GPC6: variants seen among roughly 807,000 people sequenced by gnomAD.
The protein encoded by GPC6 is glypican 6.
Under a neutral mutation model 55.2 loss-of-function variants are expected in GPC6, and 14 were observed. The observed-to-expected ratio is 0.25, with a 90% CI of 0.17 to 0.40. GPC6 has a LOEUF of 0.40. Among genes scored for constraint, GPC6 ranks in the 10% least tolerant of loss-of-function variants. GPC6 has a pLI of 1.00. For synonymous variants in GPC6, 278 were observed against 259.6 expected (o/e 1.07, Z -0.68); for missense variants, 641 against 708.5 (o/e 0.90, Z 1.08).
intron 2 of GPC6, among the ~76,000 whole-genome samples, chr13:93,607,424 C>A (rs765929898): frequency 1.2e-4 from 18 of 152,224 alleles, no homozygotes; most frequent in African/African-American, 2.9e-4. Context: ...TCCTTGCTTG[C>A]ATGCAGCTTA....
At chr13:93,438,676 T>G (rs1413331686) in intron 1 of GPC6, among the ~76,000 whole-genome samples, 1 of 152,336 alleles carries the variant, frequency 6.6e-6, no homozygotes, top group Middle Eastern at 3.4e-3. Context: ...AGATGGAATC[T>G]ACTTCTATTG....
chr13:93,577,306 A>G (rs1272133647), intron 2 of GPC6, among the ~76,000 whole-genome samples: 1 of 152,160 alleles, frequency 6.6e-6, no homozygotes, highest in African/African-American at 2.4e-5. Flanking sequence ...GTTGGAGTGG[A>G]AAAGGGAACA....
At chr13:93,550,108 G>A (rs1042863889) in intron 2 of GPC6, among the ~76,000 whole-genome samples, 3 of 151,988 alleles carry the variant, frequency 2.0e-5, no homozygotes, top group Non-Finnish European at 4.4e-5. Context: ...AAGAGGAATG[G>A]GTGTTTTTTG....
intron 3 of GPC6, among the ~76,000 whole-genome samples, chr13:94,023,848 A>G (rs919182687): frequency 1.3e-5 from 2 of 151,984 alleles, no homozygotes; most frequent in Non-Finnish European, 2.9e-5. Context: ...CCTTGAGGGC[A>G]TTATGCTCAG....
intron 1 of GPC6, among the ~76,000 whole-genome samples, chr13:93,237,377 A>G (rs1184954238): frequency 6.6e-6 from 1 of 152,066 alleles, no homozygotes; most frequent in Non-Finnish European, 1.5e-5. Context: ...TCTTTTGAAA[A>G]ACGTCTCTTC....
chr13:94,025,291 C>A (rs1378411447), intron 3 of GPC6, among the ~76,000 whole-genome samples: 1 of 152,000 alleles, frequency 6.6e-6, no homozygotes, highest in Non-Finnish European at 1.5e-5. Context: ...TAAAGGTTTG[C>A]AAGTTAGTAA....
chr13:94,204,236 C>A (rs1889838875), intron 4 of GPC6, among the ~76,000 whole-genome samples: 1 of 151,984 alleles, frequency 6.6e-6, no homozygotes, highest in African/African-American at 2.4e-5. Context: ...AGCTGATAAA[C>A]AAAAAGGGTA....
At chr13:93,711,840 A>T (rs1349296903) in intron 2 of GPC6, among the ~76,000 whole-genome samples, 1 of 151,804 alleles carries the variant, frequency 6.6e-6, no homozygotes, top group Admixed American at 6.6e-5. Flanking sequence ...ACCCATGATT[A>T]TGAGAATTGG....
chr13:93,716,901 C>T (rs978451201), intron 2 of GPC6, among the ~76,000 whole-genome samples: 1 of 151,576 alleles, frequency 6.6e-6, no homozygotes, highest in Non-Finnish European at 1.5e-5. Context: ...TTTACTGTAT[C>T]TTTTCTGTGT....
At chr13:94,243,562 C>T (rs1232625505) in intron 4 of GPC6, among the ~76,000 whole-genome samples, 1 of 152,086 alleles carries the variant, frequency 6.6e-6, no homozygotes, top group Admixed American at 6.6e-5. Flanking sequence ...AGTTATACTC[C>T]TGAGCTTTCA....
At chr13:93,534,766 T>G (rs143210735) in intron 1 of GPC6, among the ~76,000 whole-genome samples, 18 of 152,290 alleles carry the variant, frequency 1.2e-4, no homozygotes, top group Non-Finnish European at 2.5e-4. Flanking sequence ...AGATGACAAT[T>G]TATGGTCTGA....
rs1234390947 is a variant in GPC6 at position 93,439,703 on chromosome 13, AT to A, written c.161-105559del. Among the ~76,000 whole-genome samples, 55 of 151,324 alleles carry A rather than the reference AT, an allele frequency of 3.6e-4. 1 individual carries two copies. The highest frequency in any genetic ancestry group is 1.1e-3 in the African/African-American group (46 of 41,222). ...AAATAAAATAAATAAAAAAAATAAA[AT>A]AAAATAAAATAAAATAAAACACCAA... On this transcript the variant is annotated intron_variant, in intron 1 of 8. Transcript: ENST00000377047.
chr13:93,229,850 G>A (rs1317229809), intron 1 of GPC6, among the ~76,000 whole-genome samples: 1 of 151,984 alleles, frequency 6.6e-6, no homozygotes, highest in African/African-American at 2.4e-5. Flanking sequence ...CATTTAATAG[G>A]AAAATAATGA....
chr13:93,257,505 T>C (rs577753751), intron 1 of GPC6, among the ~76,000 whole-genome samples: 6 of 152,318 alleles, frequency 3.9e-5, no homozygotes, highest in African/African-American at 9.6e-5. Context: ...TACAGTAAGA[T>C]TGTTAAAAAG....
chr13:93,928,938 A>G (rs908468460), intron 3 of GPC6, among the ~76,000 whole-genome samples: 1 of 150,114 alleles, frequency 6.7e-6, no homozygotes, highest in South Asian at 2.1e-4. Context: ...AAAAATAGAT[A>G]TTTAAAGTAC....
intron 2 of GPC6, among the ~76,000 whole-genome samples, chr13:93,637,996 T>A (rs947171812): frequency 6.6e-6 from 1 of 151,964 alleles, no homozygotes; most frequent in African/African-American, 2.4e-5. Context: ...TAAAAAATAA[T>A]AAATTATAAA....
intron 2 of GPC6, among the ~76,000 whole-genome samples, chr13:93,772,128 T>C (rs1054899627): frequency 5.9e-5 from 9 of 152,182 alleles, no homozygotes; most frequent in African/African-American, 2.2e-4. Context: ...TTTTGAGAAT[T>C]AAGCAACAAA....
At chr13:94,005,181 A>G (rs1881966093) in intron 3 of GPC6, among the ~76,000 whole-genome samples, 1 of 152,206 alleles carries the variant, frequency 6.6e-6, no homozygotes, top group African/African-American at 2.4e-5. Flanking sequence ...ATGACATTGG[A>G]ATTTCAACAA....
At chr13:94,114,028 A>C (rs1886341049) in intron 4 of GPC6, among the ~76,000 whole-genome samples, 1 of 149,660 alleles carries the variant, frequency 6.7e-6, no homozygotes, top group African/African-American at 2.5e-5. Context: ...AAAAAAAAAA[A>C]AAAAAAAGCC....
Sources: allele counts gnomAD v4.1 joint callset (sites outside exome capture counted in the v4.1 genomes callset), GRCh38; gene constraint gnomAD v4.1.1; transcripts MANE v1.5; gene names NCBI Gene and HGNC (gene_info 2026-07-23, HGNC 2026-07-21).